The following NTN4 variants were observed in gnomAD, a reference collection of about 807,000 sequenced individuals.
NTN4 encodes netrin-4.
NTN4 carries 32 observed loss-of-function variants against 73.6 expected under a neutral mutation model. The ratio of observed to expected loss-of-function variants is 0.44; its 90% CI spans 0.33 to 0.58. NTN4 has a LOEUF of 0.58. Ranked by LOEUF, NTN4 falls within the 20% of genes least tolerant of loss-of-function variation. NTN4 has a pLI of 0.04. For missense variants in NTN4, 654 were observed against 798.3 expected (o/e 0.82, Z 2.18); for synonymous variants, 258 against 287.5 (o/e 0.90, Z 1.04).
intron 3 of NTN4, among the ~76,000 whole-genome samples, chr12:95,729,630 A>T (rs556182934): frequency 0.059 from 5,338 of 91,174 alleles, 116 homozygotes; most frequent in Middle Eastern, 0.1. Flanking sequence ...AGAGAGAGAG[A>T]GAGTGTGTGT....
chr12:95,754,338 C>A (rs1004182018), intron 2 of NTN4, among the ~76,000 whole-genome samples: 2 of 151,086 alleles, frequency 1.3e-5, no homozygotes, highest in South Asian at 2.1e-4. Flanking sequence ...TAATCCCGCT[C>A]GAAGCAGCCC....
rs958870797 is a variant in NTN4, at chr12:95,746,855, A to G, written c.586-8711T>C. The stretch of plus-strand genomic sequence containing the variant: ...TCACCTCATTTGTTTCCCTTCTCTC[A>G]GGGATCATTGTCCTCTTCTGCTGGA... On this transcript the variant is annotated intron_variant, in intron 2 of 9. Transcript: ENST00000343702. 3.3e-5 allele frequency among the ~76,000 whole-genome samples: 5 copies of G among 152,140 alleles called. No individual in the cohort carries two copies. The East Asian group carries it at 7.7e-4, about 23-fold the overall frequency.
intron 5 of NTN4, among the ~76,000 whole-genome samples, chr12:95,688,532 G>T (rs886968924): frequency 6.6e-6 from 1 of 152,090 alleles, no homozygotes; most frequent in African/African-American, 2.4e-5. Flanking sequence ...ATGCTTAAAG[G>T]CTATCTTAAA....
chr12:95,783,782 C>A (rs773127407), intron 2 of NTN4, among the ~76,000 whole-genome samples: 3 of 152,194 alleles, frequency 2.0e-5, no homozygotes, highest in African/African-American at 7.2e-5. Flanking sequence ...TTTGAAAGAG[C>A]TGGGCAGTTT....
chr12:95,779,851 C>T (rs1414050275), intron 2 of NTN4, among the ~76,000 whole-genome samples: 1 of 152,214 alleles, frequency 6.6e-6, no homozygotes, highest in Non-Finnish European at 1.5e-5. Context: ...ATTGCCAAGT[C>T]AGTCCTAAGC....
chr12:95,683,528 C>T lies in NTN4; in HGVS notation c.1364G>A (p.Cys455Tyr), dbSNP rs781050070. Reference protein sequence around the residue: ...GCRPCDCAGSCDPITGDCISS... With the variant: ...GCRPCDCAGSYDPITGDCISS... ...GATGCAGTCTCCGGTGATAGGGTCA[C>T]AGCTCCCCGCACAGTCACATGGTCG... Residue 455 changes from cysteine (C) to tyrosine (Y), a missense_variant, in exon 6 of 10, where the codon TGT becomes TAT. By Grantham distance (194) the Cys-to-Tyr change is radical. Transcript: ENST00000343702. 2 of 1,614,176 alleles carry T rather than the reference C, an allele frequency of 1.2e-6. No individual in the cohort carries two copies. Among genetic ancestry groups the T allele is most frequent in the South Asian group, 1.1e-5 (1 of 91,086 alleles).
At chr12:95,683,147 C>T (rs1002632750) in intron 6 of NTN4, among the ~76,000 whole-genome samples, 10 of 152,104 alleles carry the variant, frequency 6.6e-5, no homozygotes, top group African/African-American at 2.4e-4. Context: ...GCAAACTCTG[C>T]CTTCCGGGTT....
chr12:95,698,603 A>G (rs2078459213), intron 5 of NTN4, among the ~76,000 whole-genome samples: 1 of 152,194 alleles, frequency 6.6e-6, no homozygotes, highest in Admixed American at 6.5e-5. Flanking sequence ...TAATCCCAGC[A>G]CTTTAGGAGG....
chr12:95,734,061 C>T (rs1419834233), intron 3 of NTN4, among the ~76,000 whole-genome samples: 8 of 125,288 alleles, frequency 6.4e-5, no homozygotes, highest in African/African-American at 2.4e-4. Flanking sequence ...CAGAGCAAGA[C>T]TCCATTTCAA....
chr12:95,733,915 C>G (rs1055586295), intron 3 of NTN4, among the ~76,000 whole-genome samples: 2 of 151,758 alleles, frequency 1.3e-5, no homozygotes, highest in African/African-American at 4.8e-5. Flanking sequence ...ACTAAAAATA[C>G]AAAAATTAGC....
At chr12:95,777,424 G>A (rs1314973578) in intron 2 of NTN4, among the ~76,000 whole-genome samples, 3 of 152,242 alleles carry the variant, frequency 2.0e-5, no homozygotes, top group African/African-American at 4.8e-5. Context: ...CCTATCTCAC[G>A]TGCAGAGACA....
chr12:95,673,392 G>C, intron 7 of NTN4: 2 of 238,670 alleles, frequency 8.4e-6, no homozygotes, highest in South Asian at 5.9e-5. Context: ...TGTGGGGGAG[G>C]AACCATGCTA....
intron 2 of NTN4, among the ~76,000 whole-genome samples, chr12:95,767,128 C>T (rs559528147): frequency 6.6e-6 from 1 of 152,286 alleles, no homozygotes; most frequent in Non-Finnish European, 1.5e-5. Flanking sequence ...GCACCCAGGG[C>T]TAGCTTCATC....
chr12:95,724,201 C>T (rs1192691311), intron 3 of NTN4, among the ~76,000 whole-genome samples: 1 of 152,106 alleles, frequency 6.6e-6, no homozygotes, highest in Non-Finnish European at 1.5e-5. Flanking sequence ...AATATTTCTG[C>T]CATAAAAATG....
At chr12:95,788,986 G>GT (rs914802842) in intron 1 of NTN4, among the ~76,000 whole-genome samples, 2 of 152,016 alleles carry the variant, frequency 1.3e-5, no homozygotes, top group African/African-American at 2.4e-5. Context: ...GAAGGAAAAG[G>GT]TTTTTTTTAA....
chr12:95,720,667 A>C lies in NTN4; in HGVS notation c.865-7329T>G, dbSNP rs73375287. Reference sequence around the variant, plus strand: ...TTTGAAGTGGGAACGAGATAATTTCACTTGTCACATTTAGCTTTGTCCAGA... The same window carrying C: ...TTTGAAGTGGGAACGAGATAATTTCCCTTGTCACATTTAGCTTTGTCCAGA... On this transcript the variant is annotated intron_variant, in intron 3 of 9. Coordinates refer to ENST00000343702, the MANE Select transcript of NTN4 (RefSeq NM_021229.4). 8.3e-3 allele frequency among the ~76,000 whole-genome samples: 1,264 copies of C among 152,258 alleles called. 26 individuals are homozygous for C. Among genetic ancestry groups the C allele is most frequent in the African/African-American group, 0.028 (1,174 of 41,538 alleles).
chr12:95,668,038 A>G (rs937051575), intron 8 of NTN4, among the ~76,000 whole-genome samples: 7 of 151,964 alleles, frequency 4.6e-5, no homozygotes, highest in African/African-American at 1.7e-4. Context: ...AATGTTCGCT[A>G]TTATTATTCC....
At chr12:95,776,913 A>G (rs1414403910) in intron 2 of NTN4, among the ~76,000 whole-genome samples, 1 of 152,182 alleles carries the variant, frequency 6.6e-6, no homozygotes, top group Non-Finnish European at 1.5e-5. Context: ...GCCAGAGAGA[A>G]AGGTCAGGTT....
chr12:95,738,585 G>A (rs2078799528), intron 2 of NTN4, among the ~76,000 whole-genome samples: 1 of 152,212 alleles, frequency 6.6e-6, no homozygotes. Flanking sequence ...CATGAATGGA[G>A]CCCTGTGGAA....
Sources: allele counts gnomAD v4.1 joint callset (sites outside exome capture counted in the v4.1 genomes callset), GRCh38; gene constraint gnomAD v4.1.1; transcripts MANE v1.5; gene names NCBI Gene and HGNC (gene_info 2026-07-23, HGNC 2026-07-21).